ARHGAP18: variants seen among roughly 807,000 people sequenced by gnomAD.
The protein encoded by ARHGAP18 is Rho GTPase activating protein 18, also known as rho GTPase-activating protein 18.
ARHGAP18 carries 67 observed loss-of-function variants against 86.2 expected under a neutral mutation model. The ratio of observed to expected loss-of-function variants is 0.78; its 90% CI spans 0.64 to 0.95. ARHGAP18 has a LOEUF of 0.95. Among genes scored for constraint, ARHGAP18 ranks in the 40% least tolerant of loss-of-function variants. The pLI is 0.00. For synonymous variants in ARHGAP18, 283 were observed against 280.4 expected, an observed-to-expected ratio of 1.01 and a Z score of -0.09; for missense variants, 691 against 780.4, an observed-to-expected ratio of 0.89 and a Z score of 1.37.
intron 3 of ARHGAP18, among the ~76,000 whole-genome samples, chr6:129,636,698 G>A (rs750055370): frequency 5.2e-4 from 79 of 152,162 alleles, no homozygotes; most frequent in Non-Finnish European, 2.4e-4. Context: ...CCAACATGGC[G>A]AGACCTTGTC....
chr6:129,662,004 C>T (rs1773963972), intron 1 of ARHGAP18: 3 of 870,534 alleles, frequency 3.4e-6, no homozygotes, highest in Non-Finnish European at 4.1e-6. Flanking sequence ...AACACAAAGC[C>T]CCTGAAACCA....
At position 129,578,481 on chromosome 6, in the gene ARHGAP18, T is replaced by C; in HGVS notation, c.*32A>G. Reference sequence around the variant, plus strand: ...GACTCAGCAAGAATTATGACAGAAGTCCACATGGTTATCTGCAGCTTGTTA... The same window carrying C: ...GACTCAGCAAGAATTATGACAGAAGCCCACATGGTTATCTGCAGCTTGTTA... On this transcript the variant is annotated 3_prime_UTR_variant, in exon 15 of 15. Transcript: ENST00000368149. 1 of 1,547,930 alleles carries C rather than the reference T, an allele frequency of 6.5e-7. No homozygotes were observed. Among genetic ancestry groups the C allele is most frequent in the Non-Finnish European group, 8.9e-7 (1 of 1,124,324 alleles).
At chr6:129,585,242 A>G (rs943905241) in intron 12 of ARHGAP18, among the ~76,000 whole-genome samples, 9 of 151,978 alleles carry the variant, frequency 5.9e-5, no homozygotes, top group Non-Finnish European at 1.3e-4. Flanking sequence ...CAGTGAGCTG[A>G]GACGCACTCC....
chr6:129,592,414 C>A (rs1006681917), intron 12 of ARHGAP18, among the ~76,000 whole-genome samples: 1 of 152,180 alleles, frequency 6.6e-6, no homozygotes, highest in Non-Finnish European at 1.5e-5. Context: ...GTGGTAGCAA[C>A]AGATTTCTTT....
chr6:129,622,811 A>C (rs1224069685), intron 5 of ARHGAP18, among the ~76,000 whole-genome samples: 1 of 151,512 alleles, frequency 6.6e-6, no homozygotes, highest in Non-Finnish European at 1.5e-5. Flanking sequence ...GACCAGCCTG[A>C]CCAACATGGT....
chr6:129,624,386 C>G (rs936343884), intron 5 of ARHGAP18, among the ~76,000 whole-genome samples: 8 of 151,910 alleles, frequency 5.3e-5, no homozygotes, highest in African/African-American at 1.9e-4. Context: ...AAAAATTAGC[C>G]AGGCATGGTG....
chr6:129,668,909 C>T (rs1774093856), intron 1 of ARHGAP18, among the ~76,000 whole-genome samples: 1 of 152,218 alleles, frequency 6.6e-6, no homozygotes, highest in South Asian at 2.1e-4. Flanking sequence ...GGACACAGAA[C>T]TCTGGGTATA....
intron 1 of ARHGAP18, among the ~76,000 whole-genome samples, chr6:129,673,802 A>G (rs1156594688): frequency 6.6e-6 from 1 of 152,190 alleles, no homozygotes; most frequent in African/African-American, 2.4e-5. Context: ...CTATTCTTTT[A>G]GGTTATTTTA....
chr6:129,607,864 G>A (rs925661371), intron 9 of ARHGAP18, 29 bp downstream of exon 9: 20 of 1,554,094 alleles, frequency 1.3e-5, no homozygotes, highest in Middle Eastern at 1.7e-4. Flanking sequence ...ACCAGCAGAA[G>A]GACTGCTTCA....
At position 129,599,342 on chromosome 6, in the gene ARHGAP18, A is replaced by G. The variant is rs1357109733; in HGVS notation, c.1587T>C (p.Ile529=). ...TGTTTTGCTTCCTCACTTGGTTTAC[A>G]ATAAACTTGGGAATCTATAGAGAAA... ...QKLLWTIPKF[I]VNQVRKQNTE... Residue 529 remains isoleucine (I), a synonymous_variant, in exon 12 of 15, where the codon ATT becomes ATC. Coordinates refer to ENST00000368149, the MANE Select transcript of ARHGAP18 (RefSeq NM_033515.3). 2 of 1,562,982 alleles carry G rather than the reference A, an allele frequency of 1.3e-6. No homozygotes were observed. Among genetic ancestry groups the G allele is most frequent in the Non-Finnish European group, 1.7e-6 (2 of 1,159,902 alleles).
At chr6:129,640,933 G>A (rs1301015875) in intron 2 of ARHGAP18, among the ~76,000 whole-genome samples, 1 of 151,780 alleles carries the variant, frequency 6.6e-6, no homozygotes, top group Non-Finnish European at 1.5e-5. Flanking sequence ...TAAAAGAAAC[G>A]GTACAAAAAA....
chr6:129,660,442 T>A (rs1773927362), intron 1 of ARHGAP18, among the ~76,000 whole-genome samples: 1 of 152,168 alleles, frequency 6.6e-6, no homozygotes, highest in South Asian at 2.1e-4. Flanking sequence ...TTCCACAGTT[T>A]GTTCTTGGAC....
rs61622820 is a variant in ARHGAP18 at position 129,581,686 on chromosome 6, C to T, written c.1839-1555G>A. ...AATCCTTTACCAAAGAATGAATGAACGTGCGATTTATTATACATATATTGT... is the reference window on the plus strand; with the variant it reads ...AATCCTTTACCAAAGAATGAATGAATGTGCGATTTATTATACATATATTGT... On this transcript the variant is annotated intron_variant, in intron 13 of 14. Coordinates refer to ENST00000368149, the MANE Select transcript of ARHGAP18 (RefSeq NM_033515.3). Among the ~76,000 whole-genome samples the T allele has an allele frequency of 9.4e-3, 1,436 of 152,170 alleles. 19 individuals are homozygous for T. The highest frequency in any genetic ancestry group is 0.034 in the African/African-American group (1,391 of 41,518).
In ARHGAP18 at chr6:129,710,153, T is replaced by A. The variant is rs1774885912; in HGVS notation, c.-17A>T. On this transcript the variant is annotated 5_prime_UTR_variant, in exon 1 of 15. It removes an upstream start codon present in the reference 5' UTR. Transcript: ENST00000368149. ...CCAGCTCATGGTGAGAGAAGGGACA[T>A]ACTTTCTGCGATCCTGACACAGAGA... 1 of 1,587,474 alleles carries A rather than the reference T, an allele frequency of 6.3e-7. No homozygotes were observed. Among genetic ancestry groups the A allele is most frequent in the Non-Finnish European group, 8.6e-7 (1 of 1,157,222 alleles).
chr6:129,633,534 T>C lies in ARHGAP18; in HGVS notation c.616+508A>G, dbSNP rs151198502. On this transcript the variant is annotated intron_variant, in intron 4 of 14. Transcript: ENST00000368149. ...CAGAGAAACATGAAAAGTAGAATTA[T>C]AATCAATTGCCCATAAAAATCTTAA... Among the ~76,000 whole-genome samples the C allele has an allele frequency of 7.2e-5, 11 of 152,174 alleles. No homozygotes were observed. The East Asian group carries it at 1.9e-3, about 27-fold the overall frequency.
intron 10 of ARHGAP18, among the ~76,000 whole-genome samples, chr6:129,603,966 TC>T (rs1310502597): frequency 5.9e-5 from 9 of 152,200 alleles, no homozygotes; most frequent in Non-Finnish European, 1.0e-4. Flanking sequence ...ACTGGATAAG[TC>T]AGGGAATTTT....
At chr6:129,586,202 T>C (rs1440372373) in intron 12 of ARHGAP18, among the ~76,000 whole-genome samples, 1 of 152,188 alleles carries the variant, frequency 6.6e-6, no homozygotes, top group Non-Finnish European at 1.5e-5. Flanking sequence ...CCTCACCTAT[T>C]TGTTGCCTCA....
At chr6:129,614,751 T>A (rs1435129346) in intron 7 of ARHGAP18, among the ~76,000 whole-genome samples, 1 of 123,114 alleles carries the variant, frequency 8.1e-6, no homozygotes. Flanking sequence ...GTGACAGATT[T>A]TTTTTTTTTT....
At chr6:129,600,895 A>G (rs1203274878) in intron 10 of ARHGAP18, 47 bp from the exon 11 acceptor site, 2 of 1,516,384 alleles carry the variant, frequency 1.3e-6, no homozygotes, top group Non-Finnish European at 1.8e-6. Flanking sequence ...TATGAAGATA[A>G]AAGATTAAAG....
Sources: allele counts gnomAD v4.1 joint callset (sites outside exome capture counted in the v4.1 genomes callset), GRCh38; gene constraint gnomAD v4.1.1; transcripts MANE v1.5; gene names NCBI Gene and HGNC (gene_info 2026-07-23, HGNC 2026-07-21).